Variants in ACTMAP observed in about 807,000 individuals in gnomAD.
ACTMAP encodes UPF0692 protein C19orf54.
the ACTMAP span, among the ~76,000 whole-genome samples, chr19:40,745,383 G>C: frequency 6.6e-6 from 1 of 152,174 alleles, no homozygotes; most frequent in East Asian, 1.9e-4. Context: ...TTCCTCATCT[G>C]GTTTGTGGGA....
At chr19:40,744,552 A>G in the ACTMAP span, 1 of 1,613,224 alleles carries the variant, frequency 6.2e-7, no homozygotes, top group Non-Finnish European at 8.5e-7. Flanking sequence ...GCAGTCACCC[A>G]GCTCACCTGA....
the ACTMAP span, chr19:40,740,934 G>A: frequency 2.5e-6 from 1 of 398,656 alleles, no homozygotes; most frequent in Non-Finnish European, 4.4e-6. Context: ...AGGATAATGA[G>A]CAGTTTGGGA....
chr19:40,749,649 A>AC, the ACTMAP span: 4 of 1,549,016 alleles, frequency 2.6e-6, no homozygotes, highest in Non-Finnish European at 3.5e-6. Context: ...CGGTGGGGGA[A>AC]CAGGGGTCTG....
chr19:40,746,671 G>A, the ACTMAP span, among the ~76,000 whole-genome samples: 2 of 152,098 alleles, frequency 1.3e-5, no homozygotes, highest in South Asian at 2.1e-4. Flanking sequence ...CACTGCACCC[G>A]GCCCTTTTTT....
At chr19:40,746,539 C>A in the ACTMAP span, among the ~76,000 whole-genome samples, 1,594 of 152,246 alleles carry the variant, frequency 0.01, 25 homozygotes, top group East Asian at 0.04. Flanking sequence ...CCACACCTGG[C>A]TAATTTTTTG....
the ACTMAP span, chr19:40,744,834 C>T: frequency 8.0e-7 from 1 of 1,256,404 alleles, no homozygotes; most frequent in Non-Finnish European, 1.1e-6. Flanking sequence ...AGGGGAGAGC[C>T]CAGGGCTGGA....
At chr19:40,749,410 C>CG in the ACTMAP span, 2 of 1,420,748 alleles carry the variant, frequency 1.4e-6, no homozygotes, top group Non-Finnish European at 9.5e-7. Context: ...GGGAACCCCC[C>CG]CCCCACCCCA....
the ACTMAP span, chr19:40,749,573 C>A: frequency 6.4e-7 from 1 of 1,551,364 alleles, no homozygotes; most frequent in South Asian, 1.2e-5. Context: ...GGAGCTGGCT[C>A]TTCTCCAGGC....
the ACTMAP span, chr19:40,750,251 A>G: frequency 2.9e-4 from 44 of 153,676 alleles, no homozygotes; most frequent in African/African-American, 9.6e-4. Flanking sequence ...ACCCCCTCAC[A>G]TCCCAGGCCC....
the ACTMAP span, chr19:40,749,708 G>A: frequency 1.3e-6 from 2 of 1,517,712 alleles, no homozygotes; most frequent in African/African-American, 1.4e-5. Context: ...GGGGACTTGG[G>A]GGTAGAGGAG....
chr19:40,749,460 G>C, the ACTMAP span: 1 of 1,544,764 alleles, frequency 6.5e-7, no homozygotes, highest in Non-Finnish European at 8.7e-7. Flanking sequence ...CTGGGTGGTG[G>C]GTGGGGCATG....
chr19:40,742,348 C>G, the ACTMAP span: 2 of 1,339,050 alleles, frequency 1.5e-6, no homozygotes, highest in Admixed American at 2.7e-5. Context: ...TAGCTTCAAT[C>G]TTGTCGCCAT....
chr19:40,749,439 T>A, the ACTMAP span: 1 of 1,435,854 alleles, frequency 7.0e-7, no homozygotes. Flanking sequence ...GTGAAGTGTC[T>A]AGGGCAGAGC....
At chr19:40,750,452 T>G in the ACTMAP span, 4 of 151,054 alleles carry the variant, frequency 2.6e-5, no homozygotes, top group African/African-American at 9.8e-5. Flanking sequence ...AGGAAAGGAG[T>G]CAGGAAGTAA....
chr19:40,750,017 G>T, the ACTMAP span: 1 of 442,884 alleles, frequency 2.3e-6, no homozygotes, highest in Non-Finnish European at 3.9e-6. Context: ...GCACCTGACG[G>T]TTAACAGGGT....
chr19:40,742,908 C>T, the ACTMAP span: 1 of 855,588 alleles, frequency 1.2e-6, no homozygotes, highest in South Asian at 1.8e-5. Context: ...TTAGTGGTGG[C>T]CAGTGGGTTG....
the ACTMAP span, chr19:40,744,239 C>G: frequency 6.6e-7 from 1 of 1,507,624 alleles, no homozygotes; most frequent in East Asian, 2.5e-5. Context: ...TGCATGTGCC[C>G]AGCACCGTGC....
At chr19:40,744,004 G>A in the ACTMAP span, 3 of 1,614,006 alleles carry the variant, frequency 1.9e-6, no homozygotes, top group Non-Finnish European at 2.5e-6. Flanking sequence ...TAAAAACGAT[G>A]GTGTGGCCCT....
chr19:40,743,907 G>A, the ACTMAP span: 1 of 1,614,010 alleles, frequency 6.2e-7, no homozygotes, highest in Non-Finnish European at 8.5e-7. Context: ...GAACCCACCT[G>A]CACTCACCGC....
Sources: gnomAD v4.1 joint callset for allele counts (sites outside exome capture counted in the v4.1 genomes callset) on GRCh38, gnomAD v4.1.1 for gene constraint, MANE v1.5 for transcripts, NCBI Gene and HGNC (gene_info 2026-07-23, HGNC 2026-07-21) for gene names.